Variants in NR1H4 observed in about 807,000 individuals in gnomAD.
NR1H4 encodes bile acid receptor.
NR1H4 carries 23 observed loss-of-function variants against 58.5 expected under a neutral mutation model. The ratio of observed to expected loss-of-function variants is 0.39; its 90% CI spans 0.28 to 0.56. The LOEUF (loss-of-function observed/expected upper bound fraction) is 0.56, where lower values mean the gene tolerates loss of function less well. Among genes scored for constraint, NR1H4 ranks in the 20% least tolerant of loss-of-function variants. The pLI is 0.58. For synonymous variants in NR1H4, 214 were observed against 198.0 expected, an observed-to-expected ratio of 1.08 and a Z score of -0.68; for missense variants, 487 against 576.9, an observed-to-expected ratio of 0.84 and a Z score of 1.60.
intron 1 of NR1H4, among the ~76,000 whole-genome samples, chr12:100,476,244 G>A (rs1051386572): frequency 6.6e-6 from 1 of 152,106 alleles, no homozygotes; most frequent in Non-Finnish European, 1.5e-5. Flanking sequence ...GGAGCGGCGA[G>A]GGGGGACCAG....
intron 4 of NR1H4, among the ~76,000 whole-genome samples, chr12:100,524,855 AAAG>A (rs2136208249): frequency 6.6e-6 from 1 of 152,190 alleles, no homozygotes; most frequent in East Asian, 1.9e-4. Context: ...TGGAAGAAAA[AAAG>A]AAGGGGCTGG....
chr12:100,476,945 T>C (rs1953284213), intron 1 of NR1H4, among the ~76,000 whole-genome samples: 3 of 152,316 alleles, frequency 2.0e-5, no homozygotes, highest in Admixed American at 2.0e-4. Context: ...ATTTTTTTAT[T>C]GTCACAGTAG....
intron 9 of NR1H4, among the ~76,000 whole-genome samples, chr12:100,549,444 T>C (rs1037530383): frequency 6.6e-6 from 1 of 152,186 alleles, no homozygotes; most frequent in African/African-American, 2.4e-5. Context: ...GTGTTACACA[T>C]AACTTCTACT....
intron 8 of NR1H4, 42 bp from the exon 9 acceptor site, chr12:100,540,630 T>C (rs1566467807): frequency 6.3e-7 from 1 of 1,595,866 alleles, no homozygotes; most frequent in Non-Finnish European, 8.6e-7. Context: ...TCATGAAATA[T>C]TGTTACTCCT....
intron 4 of NR1H4, among the ~76,000 whole-genome samples, chr12:100,523,702 T>C (rs1954485406): frequency 6.6e-6 from 1 of 152,186 alleles, no homozygotes; most frequent in Non-Finnish European, 1.5e-5. Context: ...CCTCTGTTCA[T>C]TCAACCTCCC....
intron 3 of NR1H4, among the ~76,000 whole-genome samples, chr12:100,510,553 G>A (rs1266495041): frequency 6.7e-6 from 1 of 148,482 alleles, no homozygotes; most frequent in Non-Finnish European, 1.5e-5. Flanking sequence ...AATGAGATGA[G>A]TCTGTCCTCT....
At chr12:100,496,665 G>A (rs934594069) in intron 3 of NR1H4, among the ~76,000 whole-genome samples, 1 of 152,160 alleles carries the variant, frequency 6.6e-6, no homozygotes, top group South Asian at 2.1e-4. Flanking sequence ...ACGTCAGGAA[G>A]TGGTGACTTA....
chr12:100,527,450 T>C (rs1954587917), intron 4 of NR1H4, among the ~76,000 whole-genome samples: 1 of 152,218 alleles, frequency 6.6e-6, no homozygotes, highest in Non-Finnish European at 1.5e-5. Context: ...AGAGGATCGC[T>C]TGAGCCCAGG....
chr12:100,500,585 C>A (rs1953811820), intron 3 of NR1H4, among the ~76,000 whole-genome samples: 1 of 152,148 alleles, frequency 6.6e-6, no homozygotes, highest in Middle Eastern at 3.2e-3. Context: ...TGTGTCCCCA[C>A]CCAAATCTCA....
chr12:100,536,272 A>G (rs1237551107), intron 6 of NR1H4, among the ~76,000 whole-genome samples: 1 of 152,210 alleles, frequency 6.6e-6, no homozygotes, highest in African/African-American at 2.4e-5. Flanking sequence ...AGAAATACAC[A>G]AGTGGAATAT....
At chr12:100,532,405 T>C in intron 4 of NR1H4, 53 bp from the exon 5 acceptor site, 1 of 1,601,138 alleles carries the variant, frequency 6.2e-7, no homozygotes, top group Non-Finnish European at 8.6e-7. Context: ...ACCTGTTTTT[T>C]TCCTGAGAAG....
At chr12:100,478,911 T>G (rs1953324666) in intron 1 of NR1H4, among the ~76,000 whole-genome samples, 2 of 152,248 alleles carry the variant, frequency 1.3e-5, no homozygotes, top group Admixed American at 6.5e-5. Context: ...TTATCAAAGT[T>G]AAAATTTTTT....
At chr12:100,496,507 G>C (rs1953718133) in intron 3 of NR1H4, among the ~76,000 whole-genome samples, 1 of 152,098 alleles carries the variant, frequency 6.6e-6, no homozygotes, top group South Asian at 2.1e-4. Context: ...TTTTATTTAG[G>C]GGTGGACAAC....
At chr12:100,524,759 T>C (rs1954514182) in intron 4 of NR1H4, among the ~76,000 whole-genome samples, 1 of 152,208 alleles carries the variant, frequency 6.6e-6, no homozygotes, top group Non-Finnish European at 1.5e-5. Context: ...CAGTTTTCTT[T>C]GCTTTTTGTA....
chr12:100,553,199 C>T lies in NR1H4; in HGVS notation c.1079-8686C>T, dbSNP rs143573284. Among the ~76,000 whole-genome samples the T allele has an allele frequency of 1.0e-3, 155 of 152,182 alleles. 1 individual carries two copies. Among genetic ancestry groups the T allele is most frequent in the African/African-American group, 3.2e-3 (132 of 41,530 alleles). ...ATTTTTAGTAGAGATGGGGTTTCAC[C>T]GTGTTAGCCAGGATGGTCTTGATCT... On this transcript the variant is annotated intron_variant, in intron 9 of 10. Coordinates refer to ENST00000392986, the MANE Select transcript of NR1H4 (RefSeq NM_001206979.2).
chr12:100,543,840 A>G (rs1358134951), intron 9 of NR1H4, among the ~76,000 whole-genome samples: 1 of 152,154 alleles, frequency 6.6e-6, no homozygotes, highest in Non-Finnish European at 1.5e-5. Context: ...ACTATTGAAC[A>G]TACACTGGTG....
intron 8 of NR1H4, 23 bp from the exon 9 acceptor site, chr12:100,540,649 A>G (rs752748805): frequency 3.1e-6 from 5 of 1,612,682 alleles, no homozygotes; most frequent in African/African-American, 2.7e-5. Context: ...CTTGATACCA[A>G]TTTGATTATC....
intron 3 of NR1H4, among the ~76,000 whole-genome samples, chr12:100,509,330 A>G (rs752623352): frequency 5.9e-5 from 9 of 152,136 alleles, no homozygotes; most frequent in Non-Finnish European, 1.0e-4. Context: ...CATAATTTCA[A>G]TTTTTTATTT....
In NR1H4 at chr12:100,510,767, C is replaced by T. The variant is rs768170250; in HGVS notation, c.80-11C>T. ...GACATTCATTCCAGTTTTGTTGTCACTTTTGTTCAGGTGTTTTAACAGAAC... is the reference window on the plus strand; with the variant it reads ...GACATTCATTCCAGTTTTGTTGTCATTTTTGTTCAGGTGTTTTAACAGAAC... On this transcript the variant is annotated splice_polypyrimidine_tract_variant and intron_variant, in intron 3 of 10. Transcript: ENST00000392986. 4 of 1,613,840 alleles carry T rather than the reference C, an allele frequency of 2.5e-6. No individual in the cohort carries two copies. Among genetic ancestry groups the T allele is most frequent in the Non-Finnish European group, 3.4e-6 (4 of 1,179,876 alleles).
Sources: gnomAD v4.1 joint callset for allele counts (sites outside exome capture counted in the v4.1 genomes callset) on GRCh38, gnomAD v4.1.1 for gene constraint, MANE v1.5 for transcripts, NCBI Gene and HGNC (gene_info 2026-07-23, HGNC 2026-07-21) for gene names.